The following REDIC1 variants were observed in gnomAD, a reference collection of about 807,000 sequenced individuals.
REDIC1 encodes the protein HEI10 Interacting Protein 1.
At chr12:39,743,633 A>G in the REDIC1 span, among the ~76,000 whole-genome samples, 9 of 152,316 alleles carry the variant, frequency 5.9e-5, no homozygotes, top group East Asian at 9.6e-4. Context: ...AGGTAAGCAG[A>G]GAGATGAAAA....
chr12:39,837,662 C>T, the REDIC1 span, among the ~76,000 whole-genome samples: 1 of 151,422 alleles, frequency 6.6e-6, no homozygotes, highest in Admixed American at 6.6e-5. Context: ...CAAACAACCC[C>T]ATCAAAAAGT....
the REDIC1 span, among the ~76,000 whole-genome samples, chr12:39,880,974 A>G: frequency 6.6e-6 from 1 of 152,238 alleles, no homozygotes; most frequent in Non-Finnish European, 1.5e-5. Context: ...ATAGGCTCAC[A>G]TTTCCCATTT....
chr12:39,761,638 A>G, the REDIC1 span, among the ~76,000 whole-genome samples: 3 of 152,052 alleles, frequency 2.0e-5, no homozygotes, highest in Admixed American at 6.6e-5. Context: ...TGACAAAAAA[A>G]AAATGAAAGG....
At chr12:39,765,349 C>G in the REDIC1 span, among the ~76,000 whole-genome samples, 2 of 151,982 alleles carry the variant, frequency 1.3e-5, no homozygotes, top group Non-Finnish European at 2.9e-5. Flanking sequence ...TTCCAAATAG[C>G]CCTCTCCCTT....
the REDIC1 span, chr12:39,685,006 T>C: frequency 1.0e-6 from 1 of 1,003,654 alleles, no homozygotes; most frequent in Non-Finnish European, 1.5e-6. Flanking sequence ...TAACGTTCAC[T>C]TTGATTTAAG....
At chr12:39,642,342 C>T in the REDIC1 span, among the ~76,000 whole-genome samples, 1 of 151,636 alleles carries the variant, frequency 6.6e-6, no homozygotes. Context: ...TTCCTGGAAC[C>T]TTATATTCCT....
the REDIC1 span, among the ~76,000 whole-genome samples, chr12:39,740,723 C>G: frequency 6.6e-6 from 1 of 152,138 alleles, no homozygotes; most frequent in African/African-American, 2.4e-5. Context: ...ACAACTATAT[C>G]TGTTCAGAAA....
chr12:39,856,124 A>C, the REDIC1 span, among the ~76,000 whole-genome samples: 1 of 152,182 alleles, frequency 6.6e-6, no homozygotes, highest in South Asian at 2.1e-4. Context: ...GGTGTTGCCA[A>C]ATTTTGCCAC....
At chr12:39,730,205 T>C in the REDIC1 span, among the ~76,000 whole-genome samples, 1 of 152,216 alleles carries the variant, frequency 6.6e-6, no homozygotes, top group Non-Finnish European at 1.5e-5. Flanking sequence ...GTCATTATGA[T>C]GTCAGCTGGT....
the REDIC1 span, among the ~76,000 whole-genome samples, chr12:39,688,675 GA>G: frequency 6.6e-6 from 1 of 152,152 alleles, no homozygotes; most frequent in Non-Finnish European, 1.5e-5. Context: ...TAGCAACAAT[GA>G]GGAGGGATTT....
chr12:39,715,287 T>C, the REDIC1 span, among the ~76,000 whole-genome samples: 2 of 151,928 alleles, frequency 1.3e-5, no homozygotes, highest in Non-Finnish European at 2.9e-5. Flanking sequence ...TGTGGCTAGC[T>C]AATTAGCCCA....
chr12:39,666,866 A>G, the REDIC1 span, among the ~76,000 whole-genome samples: 3 of 152,172 alleles, frequency 2.0e-5, no homozygotes, highest in African/African-American at 7.2e-5. Context: ...AGGTGTTTAT[A>G]GTATTCTCTG....
chr12:39,688,210 A>G, the REDIC1 span, among the ~76,000 whole-genome samples: 1 of 54,230 alleles, frequency 1.8e-5, no homozygotes, highest in East Asian at 3.2e-4. Context: ...TCTAGTGGCT[A>G]GTCAGAAAGA....
At chr12:39,829,768 G>T in the REDIC1 span, 2 of 264,510 alleles carry the variant, frequency 7.6e-6, no homozygotes, top group Non-Finnish European at 7.4e-6. Context: ...AAAAGCTTGG[G>T]AGTTTGGAAA....
the REDIC1 span, among the ~76,000 whole-genome samples, chr12:39,794,711 T>A: frequency 2.6e-5 from 4 of 152,190 alleles, no homozygotes; most frequent in African/African-American, 9.6e-5. Flanking sequence ...CAGCCTGGAG[T>A]GGCTGTGAAC....
chr12:39,626,598 A>C, the REDIC1 span, among the ~76,000 whole-genome samples: 5 of 152,184 alleles, frequency 3.3e-5, no homozygotes, highest in African/African-American at 4.8e-5. Context: ...GGCCACTGTG[A>C]GTAACCTTCC....
At chr12:39,626,250 G>A in the REDIC1 span, 2 of 1,493,852 alleles carry the variant, frequency 1.3e-6, no homozygotes, top group South Asian at 2.3e-5. Flanking sequence ...GAGGCCCTGG[G>A]GGATCCTGCT....
the REDIC1 span, among the ~76,000 whole-genome samples, chr12:39,896,574 A>ATG: frequency 1.5e-5 from 2 of 137,346 alleles, no homozygotes; most frequent in Admixed American, 1.5e-4. Context: ...ATATGTATGT[A>ATG]TGTGTGTATA....
the REDIC1 span, among the ~76,000 whole-genome samples, chr12:39,650,040 C>G: frequency 6.6e-6 from 1 of 151,688 alleles, no homozygotes; most frequent in East Asian, 1.9e-4. This position sits in a 1 kb window ranked among gnomAD's most constrained non-coding sequence, Gnocchi z 4.3. Context: ...AACAATTATT[C>G]AGATACTGGT....
Sources: allele counts gnomAD v4.1 joint callset (sites outside exome capture counted in the v4.1 genomes callset), GRCh38; gene constraint gnomAD v4.1.1; non-coding constraint Gnocchi (gnomAD v3.1); transcripts MANE v1.5; gene names NCBI Gene and HGNC (gene_info 2026-07-23, HGNC 2026-07-21).